Variants in EPC2 observed in about 807,000 individuals in gnomAD.
EPC2 encodes enhancer of polycomb homolog 2.
EPC2 carries 14 observed loss-of-function variants against 92.1 expected under a neutral mutation model. The ratio of observed to expected loss-of-function variants is 0.15; its 90% CI spans 0.10 to 0.24. The LOEUF (loss-of-function observed/expected upper bound fraction) is 0.24, where lower values mean the gene tolerates loss of function less well. EPC2 is among the 10% of genes least tolerant of loss of function. The pLI, the probability that EPC2 is intolerant of heterozygous loss-of-function variation, is 1.00. For missense variants in EPC2, 755 were observed against 971.5 expected (o/e 0.78, Z 2.96); for synonymous variants, 340 against 334.7 (o/e 1.02, Z -0.17).
intron 1 of EPC2, among the ~76,000 whole-genome samples, chr2:148,659,993 A>T (rs1434358261): frequency 6.6e-6 from 1 of 152,110 alleles, no homozygotes; most frequent in Non-Finnish European, 1.5e-5. Flanking sequence ...GGAAATACCT[A>T]CTCTTCCATT....
intron 2 of EPC2, among the ~76,000 whole-genome samples, chr2:148,735,964 T>G (rs1682745051): frequency 6.6e-6 from 1 of 152,164 alleles, no homozygotes; most frequent in African/African-American, 2.4e-5. Flanking sequence ...GCATTTATCT[T>G]TCTTTTCTAT....
At chr2:148,662,066 A>G (rs1470725491) in intron 1 of EPC2, among the ~76,000 whole-genome samples, 1 of 152,244 alleles carries the variant, frequency 6.6e-6, no homozygotes, top group Non-Finnish European at 1.5e-5. Flanking sequence ...ACATGAAAAA[A>G]TGCTCATCAT....
At chr2:148,734,325 A>G (rs1682707715) in intron 2 of EPC2, among the ~76,000 whole-genome samples, 1 of 152,162 alleles carries the variant, frequency 6.6e-6, no homozygotes, top group Admixed American at 6.5e-5. Context: ...GTAGCAGCTC[A>G]TACATGGGAA....
chr2:148,715,796 C>G (rs1311657005), intron 2 of EPC2, among the ~76,000 whole-genome samples: 3 of 152,130 alleles, frequency 2.0e-5, no homozygotes, highest in Non-Finnish European at 2.9e-5. Flanking sequence ...AGCATTGAAT[C>G]TATAAATTGT....
At chr2:148,692,324 T>C (rs1270047609) in intron 2 of EPC2, 1 of 154,676 alleles carries the variant, frequency 6.5e-6, no homozygotes, top group East Asian at 1.9e-4. Flanking sequence ...CAATTATTTG[T>C]AACCATTCTT....
intron 2 of EPC2, 35 bp from the exon 3 acceptor site, chr2:148,743,587 C>T (rs973658765): frequency 6.8e-7 from 1 of 1,474,506 alleles, no homozygotes; most frequent in Non-Finnish European, 9.0e-7. Flanking sequence ...TTCATAATTT[C>T]TCCTGAGTTT....
chr2:148,783,178 A>C (rs1392450212), intron 11 of EPC2, among the ~76,000 whole-genome samples: 5 of 152,196 alleles, frequency 3.3e-5, no homozygotes, highest in Non-Finnish European at 4.4e-5. Flanking sequence ...GCTTTTTCTG[A>C]GTCTCCTGGT....
chr2:148,761,941 T>A lies in EPC2; in HGVS notation c.815+11T>A. 2.5e-6 allele frequency: 4 copies of A among 1,573,626 alleles called. No individual in the cohort carries two copies. The highest frequency in any genetic ancestry group is 3.4e-6 in the Non-Finnish European group (4 of 1,166,642). On this transcript the variant is annotated intron_variant, in intron 5 of 13. Transcript: ENST00000258484. ...AGTTGTGGAGAAAAGGTAACATTGC[T>A]CCTGTTACAACAGTAAAATGACAAC...
chr2:148,646,052 G>T (rs1193690923), intron 1 of EPC2, among the ~76,000 whole-genome samples: 1 of 152,184 alleles, frequency 6.6e-6, no homozygotes, highest in Non-Finnish European at 1.5e-5. Flanking sequence ...CAGACGGTTG[G>T]ATTTCATCTG....
intron 1 of EPC2, among the ~76,000 whole-genome samples, chr2:148,657,019 G>A (rs1013037918): frequency 9.9e-5 from 15 of 151,780 alleles, no homozygotes; most frequent in South Asian, 4.1e-4. Context: ...GATGCCTGTT[G>A]TTACGCTCAT....
At chr2:148,752,462 T>C in intron 3 of EPC2, among the ~76,000 whole-genome samples, 1 of 152,168 alleles carries the variant, frequency 6.6e-6, no homozygotes, top group South Asian at 2.1e-4. Context: ...TAAAGGTGGA[T>C]GTTTGGAAAT....
chr2:148,684,282 A>G (rs146956679), intron 1 of EPC2, among the ~76,000 whole-genome samples: 1,789 of 152,204 alleles, frequency 0.012, 37 homozygotes, highest in African/African-American at 0.041. Context: ...TAGTTTGCAA[A>G]TATTTTCTCC....
intron 2 of EPC2, among the ~76,000 whole-genome samples, chr2:148,702,082 T>C (rs1456928060): frequency 2.0e-5 from 3 of 152,138 alleles, no homozygotes; most frequent in Non-Finnish European, 4.4e-5. Context: ...TTTTTGACAT[T>C]AGTCATTTGT....
rs367991221 is a variant in EPC2, at chr2:148,714,303, C to T, written c.313+23930C>T. Among the ~76,000 whole-genome samples the T allele has an allele frequency of 2.2e-4, 34 of 152,114 alleles. No homozygotes were observed. In the South Asian group the frequency reaches 6.8e-3, roughly 31 times the overall value. ...TGTGGATGTAGCACATTTGCATTAG[C>T]CAGTCTATCATCGATGGGCATTTAG... On this transcript the variant is annotated intron_variant, in intron 2 of 13. Coordinates refer to ENST00000258484, the MANE Select transcript of EPC2 (RefSeq NM_015630.4).
At chr2:148,648,854 C>T (rs568484473) in intron 1 of EPC2, among the ~76,000 whole-genome samples, 20 of 152,280 alleles carry the variant, frequency 1.3e-4, no homozygotes, top group African/African-American at 4.1e-4. Context: ...TCCTGTGTAG[C>T]CTCTTCTTTT....
intron 2 of EPC2, among the ~76,000 whole-genome samples, chr2:148,726,771 T>G (rs966376243): frequency 6.7e-6 from 1 of 150,302 alleles, no homozygotes; most frequent in Non-Finnish European, 1.5e-5. Context: ...TTTTGTTTTT[T>G]TTTTTTTTGC....
At chr2:148,662,751 G>A (rs1284731512) in intron 1 of EPC2, among the ~76,000 whole-genome samples, 1 of 151,850 alleles carries the variant, frequency 6.6e-6, no homozygotes, top group Non-Finnish European at 1.5e-5. Context: ...ACACCAACAT[G>A]GCACGTACAT....
intron 8 of EPC2, among the ~76,000 whole-genome samples, chr2:148,769,441 A>G (rs1683475148): frequency 6.6e-6 from 1 of 152,202 alleles, no homozygotes; most frequent in Non-Finnish European, 1.5e-5. Flanking sequence ...TTGGAAATTG[A>G]TAATTCCTCA....
chr2:148,663,294 C>T (rs2105356294), intron 1 of EPC2, among the ~76,000 whole-genome samples: 2 of 150,106 alleles, frequency 1.3e-5, no homozygotes, highest in South Asian at 4.2e-4. Context: ...TCTTGGCTCA[C>T]TGCAAGCTCC....
Sources: allele counts gnomAD v4.1 joint callset (sites outside exome capture counted in the v4.1 genomes callset), GRCh38; gene constraint gnomAD v4.1.1; transcripts MANE v1.5; gene names NCBI Gene and HGNC (gene_info 2026-07-23, HGNC 2026-07-21).